DRAM2: variants seen among roughly 807,000 people sequenced by gnomAD.
The protein encoded by DRAM2 is DNA damage-regulated autophagy modulator protein 2.
A neutral mutation model predicts 33.5 loss-of-function variants in DRAM2; 26 were observed. The observed-to-expected ratio is 0.78, with a 90% CI of 0.57 to 1.08. DRAM2 has a LOEUF of 1.08. DRAM2 is among the 50% of genes least tolerant of loss of function. The pLI, the probability that DRAM2 is intolerant of heterozygous loss-of-function variation, is 0.00. For synonymous variants in DRAM2, 98 were observed against 109.5 expected (o/e 0.89, Z 0.66); for missense variants, 311 against 318.1 (o/e 0.98, Z 0.17).
At position 111,126,243 on chromosome 1, in the gene DRAM2, AT is replaced by A; in HGVS notation, c.182del (p.Asn61IlefsTer21). ...PEKCLFGAMLNIAAVLCIATI... is the reference protein window; with the variant it reads ...PEKCLFGAMLXIAAVLCIATI... Reference sequence around the variant, plus strand: ...ATTACTTACATAAAACTGCCGCAATATTTAGCATTGCCCCAAATAAGCATTT... The same window carrying A: ...ATTACTTACATAAAACTGCCGCAATATTAGCATTGCCCCAAATAAGCATTT... On this transcript the variant is annotated frameshift_variant, in exon 5 of 10. Coordinates refer to ENST00000484310, the MANE Select transcript of DRAM2 (RefSeq NM_001349884.2). LOFTEE classifies it high-confidence loss of function. The A allele has an allele frequency of 6.2e-7, 1 of 1,610,724 alleles. No homozygotes were observed. The highest frequency in any genetic ancestry group is 1.1e-5 in the South Asian group (1 of 90,876).
At position 111,117,686 on chromosome 1, in the gene DRAM2, C is replaced by T. The variant is rs1649195739; in HGVS notation, c.*474G>A. 2 of 156,050 alleles carry T rather than the reference C, an allele frequency of 1.3e-5. No homozygotes were observed. Among genetic ancestry groups the T allele is most frequent in the South Asian group, 3.8e-4 (2 of 5,226 alleles). 9.7% of individuals were successfully genotyped at this position (156,050 alleles called of 1,614,324 possible). On this transcript the variant is annotated 3_prime_UTR_variant, in exon 10 of 10. Coordinates refer to ENST00000484310, the MANE Select transcript of DRAM2 (RefSeq NM_001349884.2). ...AACAACAACAAAAAATGTAAGACTA[C>T]AAGAAATGATTTAATATGATAAAAC...
chr1:111,126,965 G>A (rs1189042513), intron 4 of DRAM2, among the ~76,000 whole-genome samples: 1 of 152,140 alleles, frequency 6.6e-6, no homozygotes, highest in African/African-American at 2.4e-5. Flanking sequence ...CCACCTGCAT[G>A]CCTGTCTTTC....
intron 8 of DRAM2, 107 bp downstream of exon 8, chr1:111,119,770 T>C (rs1226773102): frequency 3.3e-6 from 3 of 915,922 alleles, no homozygotes; most frequent in South Asian, 3.2e-5. Flanking sequence ...AACTGATTAT[T>C]CTACCAGAAG....
At chr1:111,123,592 G>A (rs1306393844) in intron 6 of DRAM2, among the ~76,000 whole-genome samples, 4 of 152,070 alleles carry the variant, frequency 2.6e-5, no homozygotes, top group African/African-American at 9.7e-5. Flanking sequence ...CCTTCACCAA[G>A]AATCCTATTA....
intron 4 of DRAM2, among the ~76,000 whole-genome samples, chr1:111,130,123 T>C (rs549785669): frequency 5.3e-5 from 8 of 152,244 alleles, no homozygotes; most frequent in South Asian, 2.1e-4. Context: ...TATATGCAAC[T>C]GACTACCCAT....
chr1:111,131,401 T>C (rs374412567), intron 4 of DRAM2, 23 bp downstream of exon 4: 8 of 1,605,556 alleles, frequency 5.0e-6, no homozygotes, highest in South Asian at 2.2e-5. Flanking sequence ...GAGTCTCCTA[T>C]ACAAAGAATA....
intron 7 of DRAM2, 113 bp downstream of exon 7, chr1:111,120,403 A>T: frequency 3.1e-6 from 1 of 320,048 alleles, no homozygotes; most frequent in Non-Finnish European, 4.6e-6. Flanking sequence ...AAAAAAAAAA[A>T]AAAAAAAAAA....
intron 3 of DRAM2, among the ~76,000 whole-genome samples, chr1:111,133,002 C>T (rs1245035906): frequency 6.6e-6 from 1 of 151,848 alleles, no homozygotes; most frequent in Non-Finnish European, 1.5e-5. Context: ...ATTACTCAAT[C>T]CTCCTCCAGT....
intron 2 of DRAM2, among the ~76,000 whole-genome samples, chr1:111,137,943 T>C (rs890300369): frequency 6.6e-6 from 1 of 152,192 alleles, no homozygotes; most frequent in African/African-American, 2.4e-5. Context: ...TGCAAGTCCA[T>C]GTGATGTAAA....
chr1:111,128,633 A>G (rs1324268207), intron 4 of DRAM2, among the ~76,000 whole-genome samples: 2 of 152,188 alleles, frequency 1.3e-5, no homozygotes, highest in Non-Finnish European at 2.9e-5. Context: ...ATATGCTTTA[A>G]ATCATCTCTA....
chr1:111,137,861 A>G (rs543205990), intron 2 of DRAM2, among the ~76,000 whole-genome samples: 15 of 152,340 alleles, frequency 9.8e-5, no homozygotes, highest in East Asian at 1.9e-4. Context: ...GAAAAAAGAA[A>G]TATCATTGCG....
intron 5 of DRAM2, chr1:111,125,228 C>T (rs900106331): frequency 5.9e-6 from 1 of 170,034 alleles, no homozygotes; most frequent in Admixed American, 6.1e-5. Flanking sequence ...ACTACTGATC[C>T]CTCCAGTGAC....
chr1:111,129,840 A>T (rs1449979067), intron 4 of DRAM2, among the ~76,000 whole-genome samples: 2 of 152,202 alleles, frequency 1.3e-5, no homozygotes, highest in African/African-American at 4.8e-5. Flanking sequence ...AAAGAACGAG[A>T]AAAAAAGAGA....
intron 3 of DRAM2, among the ~76,000 whole-genome samples, chr1:111,132,964 G>A (rs1652403935): frequency 6.6e-6 from 1 of 151,922 alleles, no homozygotes; most frequent in African/African-American, 2.4e-5. Flanking sequence ...ATAGGTATGA[G>A]CCACCCAGCC....
At position 111,118,347 on chromosome 1, in the gene DRAM2, C is replaced by A. The variant is rs148845706; in HGVS notation, c.694-80G>T. 4,840 of 904,916 alleles carry A rather than the reference C, an allele frequency of 5.3e-3. 22 individuals are homozygous for A. The highest frequency in any genetic ancestry group is 6.8e-3 in the Non-Finnish European group (3,977 of 583,158). 56.1% of individuals were successfully genotyped at this position (904,916 alleles called of 1,614,324 possible). ...TCCTTCAATATGTTCTATAGGCTACCTTGTGATTATGAATGTAAATCAATT... is the reference window on the plus strand; with the variant it reads ...TCCTTCAATATGTTCTATAGGCTACATTGTGATTATGAATGTAAATCAATT... On this transcript the variant is annotated intron_variant, in intron 9 of 9. Transcript: ENST00000484310.
chr1:111,119,008 A>C, intron 8 of DRAM2, 111 bp from the exon 9 acceptor site: 1 of 702,578 alleles, frequency 1.4e-6, no homozygotes, highest in South Asian at 3.0e-5. Flanking sequence ...AGCTTCTGAA[A>C]ATCAACCCTT....
chr1:111,130,840 C>CA (rs11296565), intron 4 of DRAM2, among the ~76,000 whole-genome samples: 304 of 140,442 alleles, frequency 2.2e-3, no homozygotes, highest in Admixed American at 3.1e-3. Flanking sequence ...ACTAAAAATG[C>CA]AAAAAAAAAA....
intron 5 of DRAM2, 127 bp from the exon 6 acceptor site, chr1:111,125,008 G>GA: frequency 1.4e-6 from 1 of 738,198 alleles, no homozygotes; most frequent in South Asian, 2.5e-5. Context: ...TAATCAGAGA[G>GA]AATAAAAAGA....
intron 8 of DRAM2, 74 bp downstream of exon 8, chr1:111,119,803 T>G: frequency 8.0e-7 from 1 of 1,244,706 alleles, no homozygotes; most frequent in Non-Finnish European, 1.2e-6. Context: ...ACTGATGAAA[T>G]GAAAAACATA....
Sources: allele counts gnomAD v4.1 joint callset (sites outside exome capture counted in the v4.1 genomes callset), GRCh38; gene constraint gnomAD v4.1.1; transcripts MANE v1.5; gene names NCBI Gene and HGNC (gene_info 2026-07-23, HGNC 2026-07-21).